TRAF3: variants seen among roughly 807,000 people sequenced by gnomAD.
TRAF3 encodes TNF receptor-associated factor 3.
TRAF3 carries 13 observed loss-of-function variants against 62.3 expected under a neutral mutation model. The ratio of observed to expected loss-of-function variants is 0.21; its 90% confidence interval spans 0.14 to 0.33. TRAF3 has a LOEUF of 0.33. Ranked by LOEUF, TRAF3 falls within the 10% of genes least tolerant of loss-of-function variation. TRAF3 has a pLI of 1.00. For missense variants in TRAF3, 440 were observed against 741.8 expected (o/e 0.59, Z 4.73); for synonymous variants, 269 against 283.4 (o/e 0.95, Z 0.51).
At chr14:102,832,484 G>C (rs900152890) in intron 2 of TRAF3, among the ~76,000 whole-genome samples, 2 of 151,754 alleles carry the variant, frequency 1.3e-5, no homozygotes, top group Admixed American at 6.6e-5. Context: ...GACCAGCCTG[G>C]TCAACATGGT....
In TRAF3 at chr14:102,817,770, T is replaced by C. The variant is rs182612480; in HGVS notation, c.-156-12564T>C. Among the ~76,000 whole-genome samples the C allele has an allele frequency of 5.4e-3, 818 of 152,356 alleles. 6 individuals carry two copies. The highest frequency in any genetic ancestry group is 9.9e-3 in the Admixed American group (151 of 15,310). On this transcript the variant is annotated intron_variant, in intron 1 of 11. Transcript: ENST00000392745. ...TCCTCAGGGTTCTCTCTCCTGTGCC[T>C]TTGGGGGTACTTTGGTGAAAAAGTT...
At chr14:102,778,492 A>G (rs1398030518) in intron 1 of TRAF3, among the ~76,000 whole-genome samples, 1 of 152,254 alleles carries the variant, frequency 6.6e-6, no homozygotes, top group East Asian at 1.9e-4. Context: ...AGAAACCTTC[A>G]GATTACGAGC....
At chr14:102,803,039 T>G (rs1365513662) in intron 1 of TRAF3, among the ~76,000 whole-genome samples, 3 of 152,076 alleles carry the variant, frequency 2.0e-5, no homozygotes. Context: ...TCGTGAGAAC[T>G]CACTGTCACA....
chr14:102,780,822 G>T (rs1394371320), intron 1 of TRAF3, among the ~76,000 whole-genome samples: 3 of 152,134 alleles, frequency 2.0e-5, no homozygotes, highest in Non-Finnish European at 4.4e-5. Context: ...TGATTTGCAG[G>T]GATATAGGCC....
At chr14:102,896,995 G>A (rs1268550002) in intron 9 of TRAF3, among the ~76,000 whole-genome samples, 1 of 152,120 alleles carries the variant, frequency 6.6e-6, no homozygotes, top group Non-Finnish European at 1.5e-5. Flanking sequence ...GATCACTTGA[G>A]CCCAGGAGGT....
intron 1 of TRAF3, among the ~76,000 whole-genome samples, chr14:102,827,331 C>G (rs1037731959): frequency 1.3e-5 from 2 of 152,208 alleles, no homozygotes; most frequent in South Asian, 4.1e-4. Flanking sequence ...TTGAGTATCC[C>G]TTATCTGAAA....
Position 102,824,951 on chromosome 14 carries a change from C to T in TRAF3, c.-156-5383C>T, listed in dbSNP as rs191069515. On this transcript the variant is annotated intron_variant, in intron 1 of 11. Transcript: ENST00000392745. ...GACTCATGTGAATTGTGAGTAGACA[C>T]GATTCTCTTCCTGCAGAAAGAGAAT... Among the ~76,000 whole-genome samples, 22 of 152,280 alleles carry T rather than the reference C, an allele frequency of 1.4e-4. No homozygotes were observed. In the East Asian group the frequency reaches 2.9e-3, roughly 20 times the overall value.
intron 2 of TRAF3, 105 bp from the exon 3 acceptor site, chr14:102,870,080 T>G: frequency 7.0e-7 from 1 of 1,431,580 alleles, no homozygotes. Context: ...TTGTGTTGCC[T>G]AAAACTGAAA....
At chr14:102,857,347 C>A (rs778596713) in intron 2 of TRAF3, among the ~76,000 whole-genome samples, 1 of 152,170 alleles carries the variant, frequency 6.6e-6, no homozygotes, top group Non-Finnish European at 1.5e-5. Flanking sequence ...TTTCTCTCTC[C>A]GGTCTCCCAT....
At chr14:102,824,710 A>G (rs942705914) in intron 1 of TRAF3, among the ~76,000 whole-genome samples, 1 of 152,246 alleles carries the variant, frequency 6.6e-6, no homozygotes, top group African/African-American at 2.4e-5. Context: ...GATGTTAGCT[A>G]GTCTGCCTGA....
intron 6 of TRAF3, among the ~76,000 whole-genome samples, chr14:102,880,148 C>T (rs960264765): frequency 3.9e-5 from 6 of 152,094 alleles, no homozygotes; most frequent in African/African-American, 9.7e-5. Flanking sequence ...TGTGCCCTCC[C>T]CTTTGGAAAA....
rs1445870075 is a variant in TRAF3, at chr14:102,780,982, A to T, written c.-157+3307A>T. ...CAGGGTGCTAACCCTTCGGGGGAGA[A>T]TACTTTCTCCCACCAGGAAGAAACC... On this transcript the variant is annotated intron_variant, in intron 1 of 11. Coordinates refer to ENST00000392745, the MANE Select transcript of TRAF3 (RefSeq NM_145725.3). Among the ~76,000 whole-genome samples, 4 of 152,236 alleles carry T rather than the reference A, an allele frequency of 2.6e-5. No homozygotes were observed. In the East Asian group the frequency reaches 5.8e-4, roughly 22 times the overall value.
chr14:102,790,351 C>G (rs959678019), intron 1 of TRAF3, among the ~76,000 whole-genome samples: 3 of 152,196 alleles, frequency 2.0e-5, no homozygotes, highest in African/African-American at 4.8e-5. Context: ...TTTCTGGACT[C>G]TCAGTTCTAT....
chr14:102,829,669 C>G (rs1478960819), intron 1 of TRAF3, among the ~76,000 whole-genome samples: 1 of 152,160 alleles, frequency 6.6e-6, no homozygotes, highest in African/African-American at 2.4e-5. Context: ...TGCTAGGGCT[C>G]TTCCTGGGAG....
At chr14:102,821,078 G>A (rs969915120) in intron 1 of TRAF3, among the ~76,000 whole-genome samples, 1 of 152,144 alleles carries the variant, frequency 6.6e-6, no homozygotes, top group African/African-American at 2.4e-5. Context: ...GGGTGAAATA[G>A]TCTGTTCCTG....
intron 1 of TRAF3, among the ~76,000 whole-genome samples, chr14:102,821,892 A>G (rs1278152506): frequency 6.6e-6 from 1 of 152,140 alleles, no homozygotes; most frequent in Non-Finnish European, 1.5e-5. Context: ...AAATATAAAA[A>G]TTAGCCGGGT....
At chr14:102,879,270 T>C (rs1888902325) in intron 6 of TRAF3, among the ~76,000 whole-genome samples, 4 of 152,030 alleles carry the variant, frequency 2.6e-5, no homozygotes. Context: ...GTAGATATTG[T>C]GGAATGGTTT....
intron 2 of TRAF3, among the ~76,000 whole-genome samples, chr14:102,862,370 C>A (rs141610373): frequency 2.1e-3 from 304 of 147,642 alleles, no homozygotes; most frequent in African/African-American, 7.5e-3. Flanking sequence ...CACTGCACTC[C>A]AGCCTGGGTG....
intron 9 of TRAF3, among the ~76,000 whole-genome samples, chr14:102,891,671 G>A (rs1477194992): frequency 1.3e-5 from 2 of 151,804 alleles, no homozygotes; most frequent in African/African-American, 4.8e-5. Flanking sequence ...CATCCATCCA[G>A]CACAGAGATG....
Sources: allele counts gnomAD v4.1 joint callset (sites outside exome capture counted in the v4.1 genomes callset), GRCh38; gene constraint gnomAD v4.1.1; transcripts MANE v1.5; gene names NCBI Gene and HGNC (gene_info 2026-07-23, HGNC 2026-07-21).